CYLD: variants seen among roughly 807,000 people sequenced by gnomAD.
CYLD encodes the protein ubiquitin carboxyl-terminal hydrolase CYLD.
Under a neutral mutation model 104.5 loss-of-function variants are expected in CYLD, and 26 were observed. That is an observed-to-expected ratio of 0.25 (90% CI 0.18 to 0.35). The LOEUF (loss-of-function observed/expected upper bound fraction) is 0.35, where lower values mean the gene tolerates loss of function less well. Ranked by LOEUF, CYLD falls within the 10% of genes least tolerant of loss-of-function variation. The pLI is 1.00. For missense variants in CYLD, 703 were observed against 1,136.1 expected, an observed-to-expected ratio of 0.62 and a Z score of 5.48; for synonymous variants, 385 against 399.9, an observed-to-expected ratio of 0.96 and a Z score of 0.45.
intron 12 of CYLD, chr16:50,785,626 A>C (rs539853086): frequency 6.6e-6 from 1 of 152,352 alleles, no homozygotes; most frequent in East Asian, 1.9e-4. Context: ...AGAGAGGAAG[A>C]ATAAACATTC....
chr16:50,785,676 ATCACACTTTCTTACCCT>A (rs1970739435), intron 12 of CYLD: 1 of 152,210 alleles, frequency 6.6e-6, no homozygotes, highest in Non-Finnish European at 1.5e-5. Context: ...ATCATAGTTA[ATCACACTTTCTTACCCT>A]GTCCACGGTA....
Position 50,775,192 on chromosome 16 carries a change from C to T in CYLD, c.922+18C>T, listed in dbSNP as rs776433080. ...TTTATCAGGTATGACTCCTAAGTGT[C>T]GTGTTGGACTCCACGGATGTATTGT... is the stretch of plus-strand genomic sequence containing the variant. On this transcript the variant is annotated intron_variant, in intron 6 of 18. Transcript: ENST00000427738. 26 of 1,591,290 alleles carry T rather than the reference C, an allele frequency of 1.6e-5. No individual in the cohort carries two copies. Among genetic ancestry groups the T allele is most frequent in the East Asian group, 1.3e-4 (6 of 44,764 alleles).
intron 5 of CYLD, among the ~76,000 whole-genome samples, chr16:50,754,920 CAT>C (rs940697128): frequency 2.1e-5 from 3 of 146,178 alleles, no homozygotes; most frequent in South Asian, 2.1e-4. Context: ...TATATGTATA[CAT>C]ATATACACAC....
intron 2 of CYLD, among the ~76,000 whole-genome samples, chr16:50,747,474 A>G (rs904733406): frequency 1.3e-5 from 2 of 152,226 alleles, no homozygotes; most frequent in Non-Finnish European, 2.9e-5. Context: ...ATCAAGAGTT[A>G]TGCAAAATAA....
rs779734487 is a variant in CYLD, at chr16:50,801,684, C to T, written c.*5176C>T. ...TTCTTAGTAGATTGGTAGAAAGGGG[C>T]TCATTTTCTACTGCATTTCCCATTT... On this transcript the variant is annotated 3_prime_UTR_variant, in exon 19 of 19. Coordinates refer to ENST00000427738, the MANE Select transcript of CYLD (RefSeq NM_001378743.1). 8 of 233,266 alleles carry T rather than the reference C, an allele frequency of 3.4e-5. No individual in the cohort carries two copies. Among genetic ancestry groups the T allele is most frequent in the Non-Finnish European group, 5.9e-5 (7 of 117,850 alleles). 14.4% of individuals were successfully genotyped at this position (233,266 alleles called of 1,614,324 possible). A position where few individuals can be genotyped will look rare whatever the true frequency, so the allele number is the denominator to read the frequency against.
intron 14 of CYLD, 47 bp from the exon 15 acceptor site, chr16:50,791,511 C>T: frequency 1.2e-6 from 2 of 1,605,520 alleles, no homozygotes; most frequent in Non-Finnish European, 1.7e-6. Flanking sequence ...TTGATTTAAG[C>T]ATTTGATAAA....
In CYLD at chr16:50,794,384, A is replaced by G; in HGVS notation, c.2642A>G (p.Asp881Gly). Residue 881 changes from aspartate to glycine, a missense_variant, in exon 18 of 19, where the codon GAC becomes GGC. This residue lies in a region of CYLD where 130 missense variants were observed against 220.2 expected (regional missense o/e 0.59). Transcript: ENST00000427738. This position sits in a 1 kb window ranked among gnomAD's most constrained non-coding sequence, Gnocchi z 4.1. Reference sequence around the variant, plus strand: ...GTTGCTTTTGTGAAGTATGGGAAGGACGATTCTGCCTGGCTCTTCTTTGAC... The same window carrying G: ...GTTGCTTTTGTGAAGTATGGGAAGGGCGATTCTGCCTGGCTCTTCTTTGAC... ...HYVAFVKYGK[D>G]DSAWLFFDSM... is the part of the protein sequence containing the mutation. The G allele has an allele frequency of 6.2e-7, 1 of 1,614,134 alleles. No homozygotes were observed. Among genetic ancestry groups the G allele is most frequent in the Non-Finnish European group, 8.5e-7 (1 of 1,180,026 alleles).
chr16:50,742,701 G>A (rs1459520663), intron 1 of CYLD, 61 bp from the exon 2 acceptor site: 6 of 398,198 alleles, frequency 1.5e-5, no homozygotes, highest in East Asian at 3.5e-5. Context: ...GGTGGCTCCC[G>A]TCCAGGAATG....
intron 5 of CYLD, 178 bp downstream of exon 5, chr16:50,754,602 T>C (rs1966844992): frequency 1.6e-5 from 9 of 569,180 alleles, no homozygotes; most frequent in Non-Finnish European, 2.8e-5. Context: ...CCGTACCCCA[T>C]GTGTAGTCTT....
In CYLD at chr16:50,800,766, T is replaced by C. The variant is rs1026922135; in HGVS notation, c.*4258T>C. The C allele has an allele frequency of 1.3e-5, 3 of 233,184 alleles. No individual in the cohort carries two copies. Among genetic ancestry groups the C allele is most frequent in the Non-Finnish European group, 2.5e-5 (3 of 117,998 alleles). The allele number at this position is 233,184 out of a possible 1,614,324, so 14.4% of individuals were successfully genotyped here. A position where few individuals can be genotyped will look rare whatever the true frequency, so the allele number is the denominator to read the frequency against. On this transcript the variant is annotated 3_prime_UTR_variant, in exon 19 of 19. Transcript: ENST00000427738. ...CCTTGTCATAAAGTAAGAGGTCTTT[T>C]TAAAGTAGGTAGGCTATAAGGCCTG...
intron 6 of CYLD, among the ~76,000 whole-genome samples, chr16:50,775,453 C>A (rs935381060): frequency 6.6e-6 from 1 of 152,112 alleles, no homozygotes; most frequent in East Asian, 1.9e-4. Context: ...GCATAATTCT[C>A]TATGTTTTCC....
intron 14 of CYLD, among the ~76,000 whole-genome samples, chr16:50,791,348 G>A (rs1212931480): frequency 1.3e-5 from 2 of 152,144 alleles, no homozygotes; most frequent in Non-Finnish European, 2.9e-5. Context: ...TAAAAACTAA[G>A]CAAAATAAAT....
At position 50,791,661 on chromosome 16, in the gene CYLD, T is replaced by C; in HGVS notation, c.2212T>C (p.Phe738Leu). 6.2e-7 allele frequency: 1 copy of C among 1,613,924 alleles called. No individual in the cohort carries two copies. The highest frequency in any genetic ancestry group is 1.1e-5 in the South Asian group (1 of 91,080). Reference protein sequence around the residue: ...PTIQQLLEWSFINSNLKFAEA... With the variant: ...PTIQQLLEWSLINSNLKFAEA... ...AATTCAGCAGTTGTTAGAATGGTCT[T>C]TTATCAACAGTAACCTGAAATTTGC... is the stretch of plus-strand genomic sequence containing the variant. Residue 738 changes from phenylalanine to leucine, a missense_variant, in exon 15 of 19, where the codon TTT becomes CTT. Physicochemically the swap from Phe to Leu is conservative, Grantham distance 22. Around this residue, in one of 5 missense-constraint regions of CYLD, gnomAD observed 125 missense variants for 325.4 expected, o/e 0.38. Coordinates refer to ENST00000427738, the MANE Select transcript of CYLD (RefSeq NM_001378743.1).
rs578079914 is a variant in CYLD at position 50,788,768 on chromosome 16, C to T, written c.2108+916C>T. On this transcript the variant is annotated intron_variant, in intron 14 of 18. Coordinates refer to ENST00000427738, the MANE Select transcript of CYLD (RefSeq NM_001378743.1). ...TCATAATTTGTCTATGTAAAATATC[C>T]ATGGAAAAATCAATAGCATTTCTGT... is the stretch of plus-strand genomic sequence containing the variant. Among the ~76,000 whole-genome samples the T allele has an allele frequency of 2.6e-5, 4 of 152,080 alleles. No homozygotes were observed. In the East Asian group the frequency reaches 5.8e-4, roughly 22 times the overall value.
intron 13 of CYLD, chr16:50,787,473 T>G (rs961110241): frequency 2.2e-5 from 7 of 320,942 alleles, no homozygotes; most frequent in Non-Finnish European, 3.5e-5. Context: ...AAACAGAGCA[T>G]ACTTCAGATT....
intron 8 of CYLD, 21 bp from the exon 9 acceptor site, chr16:50,779,644 T>C: frequency 3.1e-6 from 5 of 1,611,448 alleles, no homozygotes; most frequent in Non-Finnish European, 4.2e-6. Flanking sequence ...TACATTTCTG[T>C]AATTAGGAAT....
chr16:50,754,367 T>C lies in CYLD; in HGVS notation c.856T>C (p.Cys286Arg). ...TGGAAGATTTGATGGAGTGCAGCTT[T>C]GTAGTTTTGCGTGTGTTGAAAGTAC... ...WDGRFDGVQL[C>R]SFACVESTIL... Residue 286 changes from cysteine to arginine, a missense_variant, in exon 5 of 19, where the codon TGT becomes CGT. By Grantham distance (180) the Cys-to-Arg change is radical. This residue lies in a region of CYLD where 123 missense variants were observed against 213.3 expected (regional missense o/e 0.58). Transcript: ENST00000427738. The C allele has an allele frequency of 6.2e-7, 1 of 1,613,746 alleles. No homozygotes were observed. Among genetic ancestry groups the C allele is most frequent in the South Asian group, 1.1e-5 (1 of 91,060 alleles).
chr16:50,748,660 T>C (rs1249038115), intron 2 of CYLD, among the ~76,000 whole-genome samples: 1 of 152,208 alleles, frequency 6.6e-6, no homozygotes, highest in Non-Finnish European at 1.5e-5. Context: ...CAAGTTTTGA[T>C]GCTACAAAAT....
In CYLD at chr16:50,779,981, T is replaced by C. The variant is rs760202052; in HGVS notation, c.1455T>C (p.Tyr485=). 6.2e-6 allele frequency: 10 copies of C among 1,614,138 alleles called. No homozygotes were observed. In the South Asian group the frequency reaches 9.9e-5, roughly 16 times the overall value. The change falls in exon 9 of 19, where the codon TAT becomes TAC. Residue 485 remains tyrosine, a synonymous_variant. Coordinates refer to ENST00000427738, the MANE Select transcript of CYLD (RefSeq NM_001378743.1). ...LAEVKENPPF[Y]GVIRWIGQPP... is the part of the protein sequence containing the mutation. ...AAGTTAAGGAGAACCCTCCTTTCTA[T>C]GGGGTAATCCGTTGGATCGGTCAGC...
Sources: gnomAD v4.1 joint callset for allele counts (sites outside exome capture counted in the v4.1 genomes callset) on GRCh38, gnomAD v4.1.1 for gene constraint, gnomAD v4.1.1 regional missense constraint, Gnocchi (gnomAD v3.1) non-coding constraint, MANE v1.5 for transcripts, NCBI Gene and HGNC (gene_info 2026-07-23, HGNC 2026-07-21) for gene names.